Variants in P3H2 observed in about 807,000 individuals in gnomAD.
The protein encoded by P3H2 is leprecan-like 1.
P3H2 carries 80 observed loss-of-function variants against 87.0 expected under a neutral mutation model. The ratio of observed to expected loss-of-function variants is 0.92; its 90% confidence interval spans 0.77 to 1.11. P3H2 has a LOEUF of 1.11. Among genes scored for constraint, P3H2 ranks in the 50% least tolerant of loss-of-function variants. The probability of loss-of-function intolerance (pLI) is 0.00; values close to 1 mark genes in which losing one functional copy is unlikely to be tolerated. For missense variants in P3H2, 1,001 were observed against 923.9 expected, an observed-to-expected ratio of 1.08 and a Z score of -1.08; for synonymous variants, 367 against 359.3, an observed-to-expected ratio of 1.02 and a Z score of -0.24.
At chr3:190,066,491 G>C (rs1726509734) in intron 1 of P3H2, among the ~76,000 whole-genome samples, 3 of 152,104 alleles carry the variant, frequency 2.0e-5, no homozygotes, top group Middle Eastern at 3.4e-3. Flanking sequence ...CAGGGGGTAA[G>C]GATGGGAAGT....
chr3:190,117,580 A>G (rs896856558), intron 1 of P3H2, among the ~76,000 whole-genome samples: 3 of 151,878 alleles, frequency 2.0e-5, no homozygotes, highest in African/African-American at 7.3e-5. Flanking sequence ...TCCTAACATC[A>G]GGGAATCAAT....
chr3:190,071,527 T>C (rs1027225607), intron 1 of P3H2, among the ~76,000 whole-genome samples: 2 of 152,214 alleles, frequency 1.3e-5, no homozygotes, highest in South Asian at 2.1e-4. Flanking sequence ...AGGCAATTAA[T>C]TGTATTCCAA....
At chr3:189,964,896 C>A (rs1722929467) in intron 13 of P3H2, among the ~76,000 whole-genome samples, 1 of 152,240 alleles carries the variant, frequency 6.6e-6, no homozygotes, top group Admixed American at 6.5e-5. Flanking sequence ...GGTAGAAGAT[C>A]AAACAAGCTG....
intron 1 of P3H2, among the ~76,000 whole-genome samples, chr3:190,050,033 T>C (rs1476345118): frequency 6.6e-6 from 1 of 152,178 alleles, no homozygotes; most frequent in Non-Finnish European, 1.5e-5. Context: ...TTGCAAAATA[T>C]CTTACAAGGG....
chr3:190,082,415 C>G (rs1360440389), intron 1 of P3H2, among the ~76,000 whole-genome samples: 1 of 152,016 alleles, frequency 6.6e-6, no homozygotes, highest in Non-Finnish European at 1.5e-5. Flanking sequence ...TAATGCCCAC[C>G]CAAAGATTCT....
chr3:190,075,618 T>G (rs746044364), intron 1 of P3H2, among the ~76,000 whole-genome samples: 3 of 152,166 alleles, frequency 2.0e-5, no homozygotes, highest in Non-Finnish European at 4.4e-5. Flanking sequence ...TAGGGAAAGC[T>G]TCCCAAAATA....
intron 1 of P3H2, among the ~76,000 whole-genome samples, chr3:190,099,314 C>T (rs1711537170): frequency 6.6e-6 from 1 of 152,138 alleles, no homozygotes. Context: ...ACAATACACA[C>T]AATGAGGAAA....
intron 14 of P3H2, among the ~76,000 whole-genome samples, chr3:189,959,860 ATGTGTGTGTGTGTGTGTG>A (rs75204350): frequency 0.014 from 1,943 of 134,724 alleles, 29 homozygotes; most frequent in African/African-American, 0.04. Flanking sequence ...TGGAGGAGAT[ATGTGTGTGTGTGTGTGTG>A]TGTGTGTGTG....
chr3:190,099,627 CT>C (rs1711550723), intron 1 of P3H2, among the ~76,000 whole-genome samples: 2 of 152,204 alleles, frequency 1.3e-5, no homozygotes, highest in East Asian at 1.9e-4. Context: ...CAGAACTGAC[CT>C]TTTTTGTGCA....
intron 1 of P3H2, among the ~76,000 whole-genome samples, chr3:190,032,726 G>T (rs1293313838): frequency 2.6e-5 from 4 of 152,106 alleles, no homozygotes; most frequent in African/African-American, 9.7e-5. Context: ...TCACTGAGAA[G>T]GAATGTTCAA....
At chr3:190,112,129 G>T (rs984206305) in intron 1 of P3H2, among the ~76,000 whole-genome samples, 2 of 152,236 alleles carry the variant, frequency 1.3e-5, no homozygotes, top group African/African-American at 4.8e-5. Context: ...GAGGAACCCT[G>T]TTCTAGTGTG....
rs373753734 is a variant in P3H2, at chr3:189,956,926, G to A, written c.*986C>T. 34 of 393,942 alleles carry A rather than the reference G, an allele frequency of 8.6e-5. No homozygotes were observed. The highest frequency in any genetic ancestry group is 6.4e-4 in the African/African-American group (31 of 48,634). The allele number at this position is 393,942 out of a possible 1,614,324, so 24.4% of individuals were successfully genotyped here. A position where few individuals can be genotyped will look rare whatever the true frequency, so the allele number is the denominator to read the frequency against. On this transcript the variant is annotated 3_prime_UTR_variant, in exon 15 of 15. Coordinates refer to ENST00000319332, the MANE Select transcript of P3H2 (RefSeq NM_018192.4). ...CCTAGGCAACCTGGCCATGGTGCCC[G>A]GATGCAGGCAGTATTCAAGAGTTTC... is the stretch of plus-strand genomic sequence containing the variant.
chr3:190,070,329 T>G (rs1224738428), intron 1 of P3H2, among the ~76,000 whole-genome samples: 2 of 152,202 alleles, frequency 1.3e-5, no homozygotes, highest in Admixed American at 6.5e-5. Context: ...ATCTGATCTA[T>G]CTTGTTTTCT....
chr3:190,101,454 G>A (rs1461641770), intron 1 of P3H2, among the ~76,000 whole-genome samples: 2 of 144,456 alleles, frequency 1.4e-5, no homozygotes, highest in Non-Finnish European at 1.5e-5. Context: ...AAGTGAAACA[G>A]CCTTACTGCT....
intron 4 of P3H2, among the ~76,000 whole-genome samples, chr3:189,988,385 G>GTATA (rs10662541): frequency 8.1e-4 from 123 of 151,636 alleles, no homozygotes; most frequent in African/African-American, 2.8e-3. Flanking sequence ...ACGTATGTGT[G>GTATA]TATATATATG....
intron 1 of P3H2, among the ~76,000 whole-genome samples, chr3:190,062,755 T>A (rs1322066721): frequency 6.6e-6 from 1 of 152,156 alleles, no homozygotes; most frequent in Non-Finnish European, 1.5e-5. Context: ...GAATTAATAA[T>A]AGTATCTTGC....
At chr3:190,105,813 C>T (rs1458903712) in intron 1 of P3H2, among the ~76,000 whole-genome samples, 1 of 152,166 alleles carries the variant, frequency 6.6e-6, no homozygotes, top group African/African-American at 2.4e-5. Flanking sequence ...CCCAATGCTG[C>T]CCTAGTCCAA....
intron 1 of P3H2, among the ~76,000 whole-genome samples, chr3:190,053,314 G>A (rs1019797608): frequency 2.0e-5 from 3 of 151,968 alleles, no homozygotes; most frequent in Admixed American, 2.0e-4. Flanking sequence ...ATTTTTGATT[G>A]TAAAATTGGA....
At position 190,067,007 on chromosome 3, in the gene P3H2, C is replaced by CTTT. The variant is rs759812431; in HGVS notation, c.480+53242_480+53244dup. On this transcript the variant is annotated intron_variant, in intron 1 of 14. Transcript: ENST00000319332. ...ATGTAGTTTATTCTTTTTTAATTTT[C>CTTT]TTTCTTTTTTTTTTTTTTGTAGAGA... Among the ~76,000 whole-genome samples, 318 of 145,110 alleles carry CTTT rather than the reference C, an allele frequency of 2.2e-3. 15 individuals carry two copies. Among genetic ancestry groups the CTTT allele is most frequent in the African/African-American group, 8.1e-3 (303 of 37,446 alleles).
Sources: gnomAD v4.1 joint callset for allele counts (sites outside exome capture counted in the v4.1 genomes callset) on GRCh38, gnomAD v4.1.1 for gene constraint, MANE v1.5 for transcripts, NCBI Gene and HGNC (gene_info 2026-07-23, HGNC 2026-07-21) for gene names.